Variants in BCKDHB observed in about 807,000 individuals in gnomAD.
BCKDHB encodes the protein branched chain keto acid dehydrogenase E1 subunit beta, also known as 2-oxoisovalerate dehydrogenase subunit beta, mitochondrial.
Under a neutral mutation model 48.5 loss-of-function variants are expected in BCKDHB, and 41 were observed. The ratio of observed to expected loss-of-function variants is 0.85; its 90% CI spans 0.66 to 1.10. The LOEUF (loss-of-function observed/expected upper bound fraction) is 1.10, where lower values mean the gene tolerates loss of function less well. BCKDHB is among the 50% of genes least tolerant of loss of function. The pLI is 0.00. For missense variants in BCKDHB, 496 were observed against 494.2 expected, an observed-to-expected ratio of 1.00 and a Z score of -0.03; for synonymous variants, 201 against 174.8, an observed-to-expected ratio of 1.15 and a Z score of -1.18.
chr6:80,251,184 C>G (rs1776822630), intron 8 of BCKDHB, among the ~76,000 whole-genome samples: 1 of 152,090 alleles, frequency 6.6e-6, no homozygotes, highest in Admixed American at 6.6e-5. Context: ...GTTTAAAAAC[C>G]TAGGCCTCTT....
the BCKDHB span, among the ~76,000 whole-genome samples, chr6:80,421,808 G>C: frequency 1.5e-4 from 23 of 152,286 alleles, no homozygotes; most frequent in African/African-American, 5.3e-4. Context: ...GATTCCAAAA[G>C]TGTTTGGTCA....
At chr6:80,328,442 C>A (rs1478372709) in intron 9 of BCKDHB, among the ~76,000 whole-genome samples, 1 of 152,126 alleles carries the variant, frequency 6.6e-6, no homozygotes, top group Admixed American at 6.5e-5. Context: ...TAGCCCTAAA[C>A]CCAAAGAAGT....
intron 9 of BCKDHB, among the ~76,000 whole-genome samples, chr6:80,337,580 A>C (rs1441584598): frequency 6.6e-6 from 1 of 151,796 alleles, no homozygotes; most frequent in East Asian, 1.9e-4. Context: ...TGTTCTGTTC[A>C]ATACTCATTA....
the BCKDHB span, among the ~76,000 whole-genome samples, chr6:80,446,891 T>A: frequency 6.6e-6 from 1 of 152,136 alleles, no homozygotes; most frequent in African/African-American, 2.4e-5. Context: ...ATCTTATGGT[T>A]GGAATGTTTC....
At chr6:80,379,302 C>T in the BCKDHB span, among the ~76,000 whole-genome samples, 1 of 151,930 alleles carries the variant, frequency 6.6e-6, no homozygotes, top group Non-Finnish European at 1.5e-5. Flanking sequence ...TTAATAAACA[C>T]GATTCACCAT....
At chr6:80,367,002 T>C in the BCKDHB span, among the ~76,000 whole-genome samples, 1 of 152,176 alleles carries the variant, frequency 6.6e-6, no homozygotes, top group East Asian at 1.9e-4. Context: ...TTTAAACAAA[T>C]AACCAAAAAT....
chr6:80,169,482 A>C (rs1318418278), intron 5 of BCKDHB, among the ~76,000 whole-genome samples: 1 of 152,186 alleles, frequency 6.6e-6, no homozygotes, highest in Non-Finnish European at 1.5e-5. Flanking sequence ...AAAAAGACTA[A>C]GAGAAGACTG....
chr6:80,319,754 T>C (rs1768619899), intron 9 of BCKDHB, among the ~76,000 whole-genome samples: 1 of 152,316 alleles, frequency 6.6e-6, no homozygotes, highest in South Asian at 2.1e-4. Flanking sequence ...TATGCATGTA[T>C]TTGTAAATCT....
intron 9 of BCKDHB, among the ~76,000 whole-genome samples, chr6:80,289,079 A>G (rs994167574): frequency 6.6e-6 from 1 of 152,172 alleles, no homozygotes; most frequent in African/African-American, 2.4e-5. Flanking sequence ...TCATTGAGGG[A>G]TTATTGAATG....
intron 1 of BCKDHB, 87 bp downstream of exon 1, chr6:80,106,976 T>C: frequency 6.8e-7 from 1 of 1,460,274 alleles, no homozygotes; most frequent in East Asian, 2.5e-5. Flanking sequence ...GCCGGCAGGC[T>C]GCAATCCTTG....
chr6:80,137,749 G>A (rs1467891237), intron 3 of BCKDHB, among the ~76,000 whole-genome samples: 1 of 151,882 alleles, frequency 6.6e-6, no homozygotes, highest in Non-Finnish European at 1.5e-5. Flanking sequence ...AACATGCACA[G>A]GGCAGCCCCA....
chr6:80,335,942 T>C (rs1046747754), intron 9 of BCKDHB, among the ~76,000 whole-genome samples: 1 of 152,102 alleles, frequency 6.6e-6, no homozygotes, highest in East Asian at 1.9e-4. Flanking sequence ...TTTTAAAATA[T>C]TTAAGTATGG....
chr6:80,187,512 A>G (rs1423439998), intron 6 of BCKDHB, among the ~76,000 whole-genome samples: 4 of 152,230 alleles, frequency 2.6e-5, no homozygotes, highest in African/African-American at 9.6e-5. Flanking sequence ...TTTCAGAGTT[A>G]GTCTAAAACT....
intron 8 of BCKDHB, among the ~76,000 whole-genome samples, chr6:80,206,898 A>G (rs972925215): frequency 1.2e-4 from 18 of 152,056 alleles, no homozygotes; most frequent in African/African-American, 4.1e-4. Context: ...AACTTTTAAG[A>G]TTATATTCAA....
chr6:80,139,616 A>G (rs1200209501), intron 3 of BCKDHB, among the ~76,000 whole-genome samples: 11 of 151,702 alleles, frequency 7.3e-5, no homozygotes, highest in Admixed American at 7.2e-4. Flanking sequence ...ATAGTTGTAG[A>G]TATGTGGCAT....
the BCKDHB span, among the ~76,000 whole-genome samples, chr6:80,449,648 T>C: frequency 1.3e-5 from 2 of 152,242 alleles, no homozygotes; most frequent in African/African-American, 4.8e-5. Context: ...AGATGTTGTG[T>C]GAACTTCAAA....
chr6:80,247,487 A>G (rs1039303601), intron 8 of BCKDHB, among the ~76,000 whole-genome samples: 3 of 152,240 alleles, frequency 2.0e-5, no homozygotes, highest in African/African-American at 7.2e-5. Context: ...TTTCAAAGAT[A>G]TGTTACAGGT....
chr6:80,429,897 C>T, the BCKDHB span, among the ~76,000 whole-genome samples: 1 of 152,168 alleles, frequency 6.6e-6, no homozygotes, highest in African/African-American at 2.4e-5. Flanking sequence ...ACTTCCAGTA[C>T]TATGTTGAAT....
At chr6:80,243,805 G>A (rs1776493213) in intron 8 of BCKDHB, among the ~76,000 whole-genome samples, 1 of 152,064 alleles carries the variant, frequency 6.6e-6, no homozygotes, top group Admixed American at 6.6e-5. Flanking sequence ...CAAAGTGCTG[G>A]GATTATAGAT....
Sources: allele counts gnomAD v4.1 joint callset (sites outside exome capture counted in the v4.1 genomes callset), GRCh38; gene constraint gnomAD v4.1.1; transcripts MANE v1.5; gene names NCBI Gene and HGNC (gene_info 2026-07-23, HGNC 2026-07-21).